Variants in TMEM232 observed in about 807,000 individuals in gnomAD.
TMEM232 encodes transmembrane protein 232.
Under a neutral mutation model 78.8 loss-of-function variants are expected in TMEM232, and 80 were observed. The ratio of observed to expected loss-of-function variants is 1.01; its 90% confidence interval spans 0.85 to 1.22. The LOEUF is 1.22. Among genes scored for constraint, TMEM232 ranks in the 50% most tolerant of loss-of-function variants. TMEM232 has a pLI of 0.00. For missense variants in TMEM232, 881 were observed against 742.2 expected, an observed-to-expected ratio of 1.19 and a Z score of -2.17; for synonymous variants, 297 against 254.3, an observed-to-expected ratio of 1.17 and a Z score of -1.60.
At chr5:110,446,056 T>G (rs907370582) in intron 12 of TMEM232, among the ~76,000 whole-genome samples, 3 of 152,204 alleles carry the variant, frequency 2.0e-5, no homozygotes, top group Non-Finnish European at 4.4e-5. Flanking sequence ...TCTTAGAGGC[T>G]GCCTTCCATA....
intron 3 of TMEM232, among the ~76,000 whole-genome samples, chr5:110,641,672 C>T (rs1235725729): frequency 2.0e-5 from 3 of 152,082 alleles, no homozygotes; most frequent in African/African-American, 7.2e-5. Context: ...AATTTATGCA[C>T]CAGTTTTGTG....
At chr5:110,628,662 A>AGTGT (rs146531604) in intron 5 of TMEM232, among the ~76,000 whole-genome samples, 10,277 of 140,686 alleles carry the variant, frequency 0.073, 740 homozygotes, top group African/African-American at 0.19. Flanking sequence ...GTCAGTATCC[A>AGTGT]GTGTGTGTGT....
rs563213085 is a variant in TMEM232 at position 110,711,904 on chromosome 5, A to C, written c.-13+14723T>G. ...GGCAGATCACGAAGTCAGGAGAACA[A>C]GACCATACCGGCTAACACAGTAAAA... On this transcript the variant is annotated intron_variant, in intron 1 of 13. Transcript: ENST00000455884. 5.9e-5 allele frequency among the ~76,000 whole-genome samples: 9 copies of C among 152,120 alleles called. No individual in the cohort carries two copies. The South Asian group carries it at 1.9e-3, about 32-fold the overall frequency.
chr5:110,582,389 C>A (rs1778307838), intron 10 of TMEM232, among the ~76,000 whole-genome samples: 1 of 151,732 alleles, frequency 6.6e-6, no homozygotes, highest in South Asian at 2.1e-4. Flanking sequence ...ACCATTATCC[C>A]AAGCAAATTA....
intron 12 of TMEM232, among the ~76,000 whole-genome samples, chr5:110,434,351 A>G (rs1758180963): frequency 6.6e-6 from 1 of 151,694 alleles, no homozygotes; most frequent in South Asian, 2.1e-4. Flanking sequence ...CTATGCACAG[A>G]AACTAGATCT....
chr5:110,554,510 C>T (rs538361296), intron 11 of TMEM232, among the ~76,000 whole-genome samples: 1 of 152,196 alleles, frequency 6.6e-6, no homozygotes, highest in African/African-American at 2.4e-5. Flanking sequence ...CTCACTAATA[C>T]AAAAACCTAC....
At chr5:110,738,269 T>C (rs1049431395), upstream of TMEM232, 1 of 1,280,964 alleles carries the variant, frequency 7.8e-7, no homozygotes, top group Middle Eastern at 2.4e-4. Context: ...CGCTCTACAG[T>C]AGTCCTCTCA....
At chr5:110,410,132 G>A (rs956683753) in intron 2 of TMEM232, among the ~76,000 whole-genome samples, 13 of 152,200 alleles carry the variant, frequency 8.5e-5, no homozygotes, top group Admixed American at 7.2e-4. Context: ...GTAGGTCAGA[G>A]GCTAGAATAC....
chr5:110,731,393 G>C (rs1798667461), upstream of TMEM232, among the ~76,000 whole-genome samples: 1 of 152,204 alleles, frequency 6.6e-6, no homozygotes, highest in South Asian at 2.1e-4. Flanking sequence ...CTGTGTGGGG[G>C]CTCTTGCCCC....
intron 10 of TMEM232, among the ~76,000 whole-genome samples, chr5:110,582,317 T>C (rs1386463289): frequency 6.6e-6 from 1 of 151,970 alleles, no homozygotes; most frequent in Non-Finnish European, 1.5e-5. Flanking sequence ...CACCATGGCA[T>C]ACTACACAGC....
intron 12 of TMEM232, among the ~76,000 whole-genome samples, chr5:110,473,343 T>G (rs1161254729): frequency 2.0e-5 from 3 of 151,812 alleles, no homozygotes; most frequent in African/African-American, 7.2e-5. Context: ...TCAACATCAC[T>G]GATCATCAGG....
At chr5:110,629,914 A>T (rs1471468302) in intron 5 of TMEM232, among the ~76,000 whole-genome samples, 1 of 152,204 alleles carries the variant, frequency 6.6e-6, no homozygotes, top group Admixed American at 6.5e-5. Context: ...AATATAAAAG[A>T]AAATATATTC....
At chr5:110,682,435 C>G (rs1475485579) in intron 1 of TMEM232, among the ~76,000 whole-genome samples, 1 of 151,992 alleles carries the variant, frequency 6.6e-6, no homozygotes, top group Non-Finnish European at 1.5e-5. Flanking sequence ...TAGGACCCAG[C>G]TCTCTGCTTG....
intron 12 of TMEM232, among the ~76,000 whole-genome samples, chr5:110,511,421 A>T (rs1221454810): frequency 6.6e-6 from 1 of 151,944 alleles, no homozygotes; most frequent in African/African-American, 2.4e-5. Flanking sequence ...CTGTGCATGT[A>T]CCCCAGAACT....
intron 11 of TMEM232, among the ~76,000 whole-genome samples, chr5:110,532,595 C>CTTA (rs1224426058): frequency 2.6e-5 from 4 of 152,072 alleles, no homozygotes; most frequent in African/African-American, 9.6e-5. Flanking sequence ...GCCCAGTTCC[C>CTTA]TTATTAGGCT....
chr5:110,415,313 G>A (rs1052134421), downstream of TMEM232, among the ~76,000 whole-genome samples: 2 of 151,088 alleles, frequency 1.3e-5, no homozygotes, highest in Non-Finnish European at 2.9e-5. Flanking sequence ...TCAGCCTCCC[G>A]AGTAGCTGGG....
chr5:110,688,186 G>T (rs1793663403), intron 1 of TMEM232, among the ~76,000 whole-genome samples: 1 of 151,946 alleles, frequency 6.6e-6, no homozygotes, highest in Non-Finnish European at 1.5e-5. Context: ...TCTGGCAGAA[G>T]ATAAATGTAG....
chr5:110,443,545 T>C (rs968479072), intron 12 of TMEM232, among the ~76,000 whole-genome samples: 16 of 152,154 alleles, frequency 1.1e-4, no homozygotes, highest in East Asian at 3.9e-4. Flanking sequence ...AGGTCTGGAC[T>C]TGGGGACACC....
chr5:110,576,208 G>A (rs10043552), intron 10 of TMEM232, among the ~76,000 whole-genome samples: 8,071 of 151,974 alleles, frequency 0.053, 709 homozygotes, highest in African/African-American at 0.18. Flanking sequence ...AAATCGATGC[G>A]CAAAAATTGT....
Sources: gnomAD v4.1 joint callset for allele counts (sites outside exome capture counted in the v4.1 genomes callset) on GRCh38, gnomAD v4.1.1 for gene constraint, MANE v1.5 for transcripts, NCBI Gene and HGNC (gene_info 2026-07-23, HGNC 2026-07-21) for gene names.